UNC5C: variants seen among roughly 807,000 people sequenced by gnomAD.
UNC5C encodes unc-5 netrin receptor C.
UNC5C carries 47 observed loss-of-function variants against 99.8 expected under a neutral mutation model. The ratio of observed to expected loss-of-function variants is 0.47; its 90% CI spans 0.37 to 0.60. UNC5C has a LOEUF of 0.60. UNC5C is among the 20% of genes least tolerant of loss of function. The probability of loss-of-function intolerance (pLI) is 0.00; values close to 1 mark genes in which losing one functional copy is unlikely to be tolerated. For missense variants in UNC5C, 1,062 were observed against 1,165.9 expected (o/e 0.91, Z 1.30); for synonymous variants, 487 against 452.2 (o/e 1.08, Z -0.98).
intron 1 of UNC5C, among the ~76,000 whole-genome samples, chr4:95,398,255 G>T (rs75041809): frequency 6.6e-6 from 1 of 151,860 alleles, no homozygotes; most frequent in African/African-American, 2.4e-5. Context: ...ATTATGGAAA[G>T]GTATCCTCTA....
intron 1 of UNC5C, among the ~76,000 whole-genome samples, chr4:95,341,990 C>T (rs1311360476): frequency 1.3e-5 from 2 of 152,154 alleles, no homozygotes; most frequent in Non-Finnish European, 2.9e-5. Context: ...GGGACTCACC[C>T]ATCCTTACCG....
At chr4:95,292,633 G>A (rs1211036793) in intron 3 of UNC5C, among the ~76,000 whole-genome samples, 1 of 152,150 alleles carries the variant, frequency 6.6e-6, no homozygotes. Context: ...TGATGGTTTA[G>A]AAGGTGAGAA....
chr4:95,472,955 A>G (rs1316868385), intron 1 of UNC5C, among the ~76,000 whole-genome samples: 1 of 151,984 alleles, frequency 6.6e-6, no homozygotes, highest in African/African-American at 2.4e-5. Context: ...GTTTATTTGT[A>G]GCAAATTTTT....
chr4:95,229,147 A>T (rs571631200), intron 7 of UNC5C, among the ~76,000 whole-genome samples: 2 of 152,306 alleles, frequency 1.3e-5, no homozygotes, highest in African/African-American at 4.8e-5. Context: ...TTTTAATTAT[A>T]CTTCAAGTTC....
At chr4:95,349,509 T>C (rs1743908175) in intron 1 of UNC5C, among the ~76,000 whole-genome samples, 1 of 151,206 alleles carries the variant, frequency 6.6e-6, no homozygotes, top group Non-Finnish European at 1.5e-5. Context: ...ATTTTAACCT[T>C]TATTTGAAAC....
chr4:95,184,832 A>ATGAT (rs1039497256), intron 13 of UNC5C, among the ~76,000 whole-genome samples: 67 of 151,872 alleles, frequency 4.4e-4, no homozygotes, highest in African/African-American at 1.4e-3. Flanking sequence ...AAATAAAACA[A>ATGAT]TGATAGTACA....
chr4:95,499,544 A>G (rs550127376), intron 1 of UNC5C, among the ~76,000 whole-genome samples: 2 of 152,210 alleles, frequency 1.3e-5, no homozygotes, highest in African/African-American at 4.8e-5. Context: ...CATGCAATCA[A>G]TCATGAAGAA....
intron 3 of UNC5C, among the ~76,000 whole-genome samples, chr4:95,282,183 T>C (rs571392187): frequency 1.3e-5 from 2 of 152,028 alleles, no homozygotes; most frequent in South Asian, 2.1e-4. Context: ...CATCCAATGA[T>C]ATAGAGTGAA....
chr4:95,281,123 G>A (rs889843785), intron 3 of UNC5C, among the ~76,000 whole-genome samples: 1 of 152,164 alleles, frequency 6.6e-6, no homozygotes, highest in Non-Finnish European at 1.5e-5. Flanking sequence ...CTGATGTGGG[G>A]TTGGGCAAAG....
intron 3 of UNC5C, among the ~76,000 whole-genome samples, chr4:95,285,511 T>C (rs1272518939): frequency 1.3e-5 from 2 of 152,216 alleles, no homozygotes; most frequent in Non-Finnish European, 2.9e-5. Flanking sequence ...CTCAGAGAGT[T>C]CTGAAATGAA....
intron 1 of UNC5C, among the ~76,000 whole-genome samples, chr4:95,544,726 G>A (rs1723013460): frequency 6.6e-6 from 1 of 152,130 alleles, no homozygotes; most frequent in East Asian, 1.9e-4. Flanking sequence ...GAGGAAATGT[G>A]AACAGGTTTG....
At chr4:95,458,716 AATG>A (rs1258193900) in intron 1 of UNC5C, among the ~76,000 whole-genome samples, 2 of 152,060 alleles carry the variant, frequency 1.3e-5, no homozygotes, top group Admixed American at 1.3e-4. Context: ...GGAATAAATG[AATG>A]ATAATAATTA....
At chr4:95,475,971 T>A (rs889891735) in intron 1 of UNC5C, among the ~76,000 whole-genome samples, 2 of 152,070 alleles carry the variant, frequency 1.3e-5, no homozygotes, top group Non-Finnish European at 2.9e-5. Flanking sequence ...TTATAAAATA[T>A]CAAGTACTGG....
intron 1 of UNC5C, among the ~76,000 whole-genome samples, chr4:95,492,523 T>G (rs1243225446): frequency 6.6e-6 from 1 of 151,386 alleles, no homozygotes; most frequent in East Asian, 2.0e-4. Context: ...CTAGATAGCT[T>G]AAAGGTTTAT....
In UNC5C at chr4:95,245,026, G is replaced by A. The variant is rs1479508529; in HGVS notation, c.894C>T (p.Phe298=). ...TNPAPLNGGA[F]CEGQSVQKIA... The stretch of plus-strand genomic sequence containing the variant: ...TTTTCTGCACACTCTGCCCTTCACA[G>A]AAGGCACCCCCATTGAGTGGTGCCG... Residue 298 remains phenylalanine (F), a synonymous_variant, in exon 6 of 16, where the codon TTC becomes TTT. Coordinates refer to ENST00000453304, the MANE Select transcript of UNC5C (RefSeq NM_003728.4). 2 of 1,613,822 alleles carry A rather than the reference G, an allele frequency of 1.2e-6. No individual in the cohort carries two copies. Among genetic ancestry groups the A allele is most frequent in the African/African-American group, 2.7e-5 (2 of 74,898 alleles).
rs749118567 is a variant in UNC5C at position 95,250,567 on chromosome 4, G to C, written c.695C>G (p.Ser232Cys). 5 of 1,613,926 alleles carry C rather than the reference G, an allele frequency of 3.1e-6. No homozygotes were observed. In the South Asian group the frequency reaches 3.3e-5, roughly 11 times the overall value. The change falls in exon 5 of 16, where the codon TCT becomes TGT. Residue 232 changes from serine to cysteine, a missense_variant. Ser to Cys is a moderately radical substitution (Grantham distance 112). Coordinates refer to ENST00000453304, the MANE Select transcript of UNC5C (RefSeq NM_003728.4). Reference protein sequence around the residue: ...HNLIIKQARLSDTANYTCVAK... With the variant: ...HNLIIKQARLCDTANYTCVAK... ...AACACAGGTGTAATTTGCAGTATCA[G>C]AGAGTCGGGCCTGCTTTATGATGAG...
intron 1 of UNC5C, among the ~76,000 whole-genome samples, chr4:95,400,796 T>C (rs963588734): frequency 5.3e-5 from 8 of 152,218 alleles, no homozygotes; most frequent in African/African-American, 1.9e-4. Context: ...GATGTGCCCC[T>C]GACCAACAGC....
At chr4:95,518,464 T>A (rs7668120) in intron 1 of UNC5C, among the ~76,000 whole-genome samples, 15 of 152,022 alleles carry the variant, frequency 9.9e-5, no homozygotes, top group African/African-American at 2.2e-4. Flanking sequence ...CTGCAAAATA[T>A]AGTCAAAATA....
At chr4:95,451,224 C>A (rs1202987088) in intron 1 of UNC5C, among the ~76,000 whole-genome samples, 1 of 152,156 alleles carries the variant, frequency 6.6e-6, no homozygotes, top group East Asian at 1.9e-4. Flanking sequence ...AACTGATCTA[C>A]AGGGACCTTA....
Sources: allele counts gnomAD v4.1 joint callset (sites outside exome capture counted in the v4.1 genomes callset), GRCh38; gene constraint gnomAD v4.1.1; transcripts MANE v1.5; gene names NCBI Gene and HGNC (gene_info 2026-07-23, HGNC 2026-07-21).